Variants in ZNF827 observed in about 807,000 individuals in gnomAD.
The protein encoded by ZNF827 is zinc finger protein 827.
ZNF827 carries 13 observed loss-of-function variants against 102.4 expected under a neutral mutation model. The ratio of observed to expected loss-of-function variants is 0.13; its 90% CI spans 0.08 to 0.20. ZNF827 has a LOEUF of 0.20. Among genes scored for constraint, ZNF827 ranks in the 10% least tolerant of loss-of-function variants. The pLI, the probability that ZNF827 is intolerant of heterozygous loss-of-function variation, is 1.00. For synonymous variants in ZNF827, 523 were observed against 536.2 expected (o/e 0.98, Z 0.34); for missense variants, 1,103 against 1,344.4 (o/e 0.82, Z 2.81).
chr4:145,885,631 AG>A lies in ZNF827; in HGVS notation c.1747+46del. The A allele has an allele frequency of 1.3e-5, 19 of 1,498,930 alleles. 1 individual carries two copies. In the South Asian group the frequency reaches 2.0e-4, roughly 15 times the overall value. 92.9% of individuals were successfully genotyped at this position (1,498,930 alleles called of 1,614,324 possible). Reference sequence around the variant, plus strand: ...GAGACAGAGAGAGAGAGAGAGAGAGAGAGAGAGAGAGAGAGAGAGAGAGAGA... The same window carrying A: ...GAGACAGAGAGAGAGAGAGAGAGAGAAGAGAGAGAGAGAGAGAGAGAGAGA... On this transcript the variant is annotated intron_variant, in intron 4 of 14. Transcript: ENST00000508784.
At chr4:145,794,748 T>C (rs565723533) in intron 8 of ZNF827, among the ~76,000 whole-genome samples, 125 of 152,288 alleles carry the variant, frequency 8.2e-4, no homozygotes, top group African/African-American at 2.8e-3. Context: ...TAAAGGCCGA[T>C]GGAAAAGGTT....
rs200382885 is a variant in ZNF827, at chr4:145,886,730, CA to C, written c.1267-573del. Among the ~76,000 whole-genome samples, 483 of 136,846 alleles carry C rather than the reference CA, an allele frequency of 3.5e-3. 2 individuals carry two copies. The highest frequency in any genetic ancestry group is 9.1e-3 in the African/African-American group (345 of 37,734). 89.8% of individuals were successfully genotyped at this position (136,846 alleles called of 152,430 possible). A position where few individuals can be genotyped will look rare whatever the true frequency, so the allele number is the denominator to read the frequency against. ...TAAATGGATTGAGCGAAATTACATA[CA>C]AAAAAAAAAAACAAAGTAGGAGAAA... On this transcript the variant is annotated intron_variant, in intron 3 of 14. Transcript: ENST00000508784.
At chr4:145,845,441 C>CT (rs1745836615) in intron 7 of ZNF827, among the ~76,000 whole-genome samples, 1 of 152,160 alleles carries the variant, frequency 6.6e-6, no homozygotes, top group Non-Finnish European at 1.5e-5. Context: ...AAAGCATTAT[C>CT]TTTTTTCTGC....
rs1213599403 is a variant in ZNF827, at chr4:145,759,674, T to A, written c.*1942A>T. 1 of 151,490 alleles carries A rather than the reference T, an allele frequency of 6.6e-6. No homozygotes were observed. The highest frequency in any genetic ancestry group is 1.5e-5 in the Non-Finnish European group (1 of 67,994). The allele number at this position is 151,490 out of a possible 1,614,324, so 9.4% of individuals were successfully genotyped here. A position where few individuals can be genotyped will look rare whatever the true frequency, so the allele number is the denominator to read the frequency against. ...ATTCCATAAAAAAGGTACATTTTCT[T>A]CCTTTTATTTTACTTTTTTTTTTTC... On this transcript the variant is annotated 3_prime_UTR_variant, in exon 15 of 15. Transcript: ENST00000508784.
At chr4:145,913,488 G>C (rs1265258942) in intron 1 of ZNF827, among the ~76,000 whole-genome samples, 1 of 146,650 alleles carries the variant, frequency 6.8e-6, no homozygotes, top group African/African-American at 2.5e-5. Flanking sequence ...GGGCTACTTA[G>C]AGATATCCAA....
chr4:145,866,930 T>C (rs1450985730), intron 5 of ZNF827, among the ~76,000 whole-genome samples: 2 of 152,196 alleles, frequency 1.3e-5, no homozygotes, highest in African/African-American at 2.4e-5. Context: ...TCCCATAAGT[T>C]TGCAAGGTGA....
intron 9 of ZNF827, among the ~76,000 whole-genome samples, chr4:145,777,981 A>G (rs1168128559): frequency 1.3e-5 from 2 of 152,164 alleles, no homozygotes; most frequent in Non-Finnish European, 1.5e-5. Context: ...AAGTATGCTC[A>G]GAGAATGTGA....
intron 1 of ZNF827, among the ~76,000 whole-genome samples, chr4:145,904,857 G>A (rs924658464): frequency 3.9e-5 from 6 of 152,210 alleles, no homozygotes; most frequent in Non-Finnish European, 5.9e-5. Flanking sequence ...TGGCAAGCGA[G>A]TGTTATGACA....
intron 5 of ZNF827, among the ~76,000 whole-genome samples, chr4:145,864,420 CAAA>C (rs34745619): frequency 1.6e-5 from 1 of 60,806 alleles, no homozygotes; most frequent in African/African-American, 7.2e-5. Context: ...CTTGTCTCTA[CAAA>C]AAAAAAAAAA....
chr4:145,771,130 C>T (rs1736215931), intron 11 of ZNF827: 1 of 152,208 alleles, frequency 6.6e-6, no homozygotes, highest in Non-Finnish European at 1.5e-5. Flanking sequence ...GTTTTCTTAA[C>T]AGTTTATAGG....
In ZNF827 at chr4:145,774,683, G is replaced by A. The variant is rs1736777796; in HGVS notation, c.2694-11C>T. 6.2e-7 allele frequency: 1 copy of A among 1,610,480 alleles called. No homozygotes were observed. The highest frequency in any genetic ancestry group is 1.1e-5 in the South Asian group (1 of 90,398). ...CCACACACGTGACAACTACATGAAA[G>A]GGTAAAAGAAAAGAGGGGGAGAGAA... On this transcript the variant is annotated splice_polypyrimidine_tract_variant and intron_variant, in intron 10 of 14. Transcript: ENST00000508784.
chr4:145,763,066 C>A lies in ZNF827; in HGVS notation c.*17+24G>T. ...ATTCCCAGGTCAGGTGCACACACAA[C>A]CCCTACGCCAAGCTGGGCCTTACCT... On this transcript the variant is annotated intron_variant, in intron 14 of 14. Coordinates refer to ENST00000508784, the MANE Select transcript of ZNF827 (RefSeq NM_001306215.2). This position sits in a 1 kb window ranked among gnomAD's most constrained non-coding sequence, Gnocchi z 4.6. 6.5e-7 allele frequency: 1 copy of A among 1,535,076 alleles called. No individual in the cohort carries two copies. Among genetic ancestry groups the A allele is most frequent in the South Asian group, 1.2e-5 (1 of 83,962 alleles).
intron 7 of ZNF827, among the ~76,000 whole-genome samples, chr4:145,826,706 T>C (rs1356665739): frequency 1.3e-5 from 2 of 152,210 alleles, no homozygotes; most frequent in African/African-American, 4.8e-5. Context: ...ATTGTGTATA[T>C]AGGGTTCAGT....
intron 3 of ZNF827, among the ~76,000 whole-genome samples, chr4:145,887,843 C>T (rs924315293): frequency 6.6e-6 from 1 of 152,196 alleles, no homozygotes; most frequent in African/African-American, 2.4e-5. Context: ...TGCCCTGGAA[C>T]CAGGTGATAA....
chr4:145,846,976 A>T (rs183417412), intron 6 of ZNF827, among the ~76,000 whole-genome samples: 1,700 of 147,584 alleles, frequency 0.012, 8 homozygotes, highest in Non-Finnish European at 0.02. Flanking sequence ...CAACATGGTG[A>T]AAACCCGTCT....
At chr4:145,827,651 A>G (rs1156312232) in intron 7 of ZNF827, among the ~76,000 whole-genome samples, 1 of 152,242 alleles carries the variant, frequency 6.6e-6, no homozygotes, top group Non-Finnish European at 1.5e-5. Context: ...CTATGGCTAC[A>G]TACACAACTG....
chr4:145,847,524 G>C (rs1746109270), intron 6 of ZNF827, among the ~76,000 whole-genome samples: 1 of 152,030 alleles, frequency 6.6e-6, no homozygotes, highest in African/African-American at 2.4e-5. Flanking sequence ...ATGTCATAAG[G>C]GACAAAAAAA....
chr4:145,818,300 G>A (rs1280814535), intron 8 of ZNF827, among the ~76,000 whole-genome samples: 1 of 152,232 alleles, frequency 6.6e-6, no homozygotes, highest in African/African-American at 2.4e-5. Context: ...CTGAATTCCT[G>A]TGCTGCCCCT....
intron 4 of ZNF827, among the ~76,000 whole-genome samples, chr4:145,883,779 T>G (rs1157839528): frequency 6.6e-6 from 1 of 152,132 alleles, no homozygotes; most frequent in African/African-American, 2.4e-5. Flanking sequence ...CTTTCTAAGC[T>G]ATGTGATGTG....
Sources: gnomAD v4.1 joint callset for allele counts (sites outside exome capture counted in the v4.1 genomes callset) on GRCh38, gnomAD v4.1.1 for gene constraint, Gnocchi (gnomAD v3.1) non-coding constraint, MANE v1.5 for transcripts, NCBI Gene and HGNC (gene_info 2026-07-23, HGNC 2026-07-21) for gene names.